GUF1: variants seen among roughly 807,000 people sequenced by gnomAD.
The protein encoded by GUF1 is translation factor GUF1, mitochondrial.
GUF1 carries 78 observed loss-of-function variants against 82.4 expected under a neutral mutation model. The observed-to-expected ratio is 0.95, with a 90% CI of 0.79 to 1.14. The LOEUF (loss-of-function observed/expected upper bound fraction) is 1.14. Among genes scored for constraint, GUF1 ranks in the 50% most tolerant of loss-of-function variants. The pLI, the probability that GUF1 is intolerant of heterozygous loss-of-function variation, is 0.00. For synonymous variants in GUF1, 279 were observed against 282.3 expected (o/e 0.99, Z 0.12); for missense variants, 814 against 798.2 (o/e 1.02, Z -0.24).
At chr4:44,698,451 A>T in intron 16 of GUF1, 93 bp from the exon 17 acceptor site, 1 of 898,484 alleles carries the variant, frequency 1.1e-6, no homozygotes, top group Non-Finnish European at 1.7e-6. Context: ...ATAATTTGGT[A>T]TGGTTGTTAA....
chr4:44,678,598 T>G lies in GUF1; in HGVS notation c.-25T>G, dbSNP rs748741711. 6 of 1,442,572 alleles carry G rather than the reference T, an allele frequency of 4.2e-6. No individual in the cohort carries two copies. Among genetic ancestry groups the G allele is most frequent in the Non-Finnish European group, 5.4e-6 (6 of 1,107,450 alleles). 89.4% of individuals were successfully genotyped at this position (1,442,572 alleles called of 1,614,324 possible). A position where few individuals can be genotyped will look rare whatever the true frequency, so the allele number is the denominator to read the frequency against. On this transcript the variant is annotated 5_prime_UTR_variant, in exon 1 of 17. Coordinates refer to ENST00000281543, the MANE Select transcript of GUF1 (RefSeq NM_021927.3). ...GCTGCTGTTGCGTGTGGGTACCCTCTCCTGACGCCTCCGCCGCCCGGGTCA... is the reference window on the plus strand; with the variant it reads ...GCTGCTGTTGCGTGTGGGTACCCTCGCCTGACGCCTCCGCCGCCCGGGTCA...
At chr4:44,687,790 A>AG (rs1269532773) in intron 8 of GUF1, among the ~76,000 whole-genome samples, 2 of 151,884 alleles carry the variant, frequency 1.3e-5, no homozygotes, top group East Asian at 3.9e-4. Context: ...AAAAGGCATT[A>AG]GGTTTATAAG....
rs750919642 is a variant in GUF1, at chr4:44,686,668, A to T, written c.893A>T (p.Asn298Ile). The change falls in exon 8 of 17, where the codon AAT (asparagine) becomes ATT (isoleucine). Residue 298 changes from asparagine (N) to isoleucine (I), a missense_variant. Transcript: ENST00000281543. ...CATACTCAAAAGACATACGAAGTTA[A>T]TGAAGTAGGAGTCTTGAATCCTAAT... Reference protein sequence around the residue: ...SAHTQKTYEVNEVGVLNPNEQ... With the variant: ...SAHTQKTYEVIEVGVLNPNEQ... The T allele has an allele frequency of 6.2e-7, 1 of 1,611,862 alleles. No homozygotes were observed. The highest frequency in any genetic ancestry group is 1.7e-5 in the Admixed American group (1 of 59,950).
intron 11 of GUF1, among the ~76,000 whole-genome samples, chr4:44,690,328 G>C (rs1025160925): frequency 2.0e-5 from 3 of 151,646 alleles, no homozygotes; most frequent in Non-Finnish European, 3.0e-5. Context: ...AATTTATCTC[G>C]TAAAAAGTGA....
Position 44,690,828 on chromosome 4 carries a change from G to A in GUF1, c.1447G>A (p.Glu483Lys), listed in dbSNP as rs1274002303. Residue 483 changes from glutamate (E) to lysine (K), a missense_variant, in exon 12 of 17, where the codon GAA (glutamate) becomes AAA (lysine). Glu to Lys is a moderately conservative substitution (Grantham distance 56, BLOSUM62 1). Coordinates refer to ENST00000281543, the MANE Select transcript of GUF1 (RefSeq NM_021927.3). ...VVLGTIITPD[E>K]YTGKIMMLCE... ...TTTGGGCACTATTATCACACCAGATGAATACACTGGAAAAATAATGATGCT... is the reference window on the plus strand; with the variant it reads ...TTTGGGCACTATTATCACACCAGATAAATACACTGGAAAAATAATGATGCT... 6.3e-7 allele frequency: 1 copy of A among 1,596,508 alleles called. No individual in the cohort carries two copies. The highest frequency in any genetic ancestry group is 8.5e-7 in the Non-Finnish European group (1 of 1,170,296).
chr4:44,694,688 G>T (rs1715677428), intron 14 of GUF1, among the ~76,000 whole-genome samples, 175 bp downstream of exon 14: 1 of 151,874 alleles, frequency 6.6e-6, no homozygotes. Context: ...GCTAAAAATA[G>T]AACAGAGCTA....
rs115411648 is a variant in GUF1, at chr4:44,693,621, C to T, written c.1614-791C>T. On this transcript the variant is annotated intron_variant, in intron 13 of 16. Coordinates refer to ENST00000281543, the MANE Select transcript of GUF1 (RefSeq NM_021927.3). The stretch of plus-strand genomic sequence containing the variant: ...AGAAACCAAATATAATTTTGCAAGT[C>T]CAGGCACCAATTGTTTTAAAATTAA... 7.6e-3 allele frequency among the ~76,000 whole-genome samples: 1,149 copies of T among 152,150 alleles called. 6 individuals are homozygous for T. The highest frequency in any genetic ancestry group is 0.017 in the Middle Eastern group (5 of 294).
chr4:44,689,534 G>C, intron 10 of GUF1, 125 bp downstream of exon 10: 1 of 1,088,048 alleles, frequency 9.2e-7, no homozygotes, highest in Non-Finnish European at 1.3e-6. Context: ...ATAAAATGGT[G>C]CATTGTTCTG....
chr4:44,692,454 C>T (rs1447423951), intron 13 of GUF1, among the ~76,000 whole-genome samples: 1 of 151,814 alleles, frequency 6.6e-6, no homozygotes, highest in Non-Finnish European at 1.5e-5. Flanking sequence ...GATACCCTCA[C>T]TATGCCCTAA....
chr4:44,697,336 GT>G, intron 15 of GUF1, 71 bp from the exon 16 acceptor site: 16 of 875,370 alleles, frequency 1.8e-5, no homozygotes, highest in Admixed American at 2.6e-5. Flanking sequence ...AGGGGAGATT[GT>G]TTTTGGTAAG....
chr4:44,695,690 A>G lies in GUF1; in HGVS notation c.1791A>G (p.Ile597Met), dbSNP rs1264831955. 1 of 1,613,262 alleles carries G rather than the reference A, an allele frequency of 6.2e-7. No individual in the cohort carries two copies. The highest frequency in any genetic ancestry group is 8.5e-7 in the Non-Finnish European group (1 of 1,179,544). ...CTCTTCCTAGGCAACTGTTTGAGATAGCAATTCAAGCTGCTATTGGAAGTA... is the reference window on the plus strand; with the variant it reads ...CTCTTCCTAGGCAACTGTTTGAGATGGCAATTCAAGCTGCTATTGGAAGTA... Reference protein sequence around the residue: ...KDSLPRQLFEIAIQAAIGSKI... With the variant: ...KDSLPRQLFEMAIQAAIGSKI... Residue 597 changes from isoleucine to methionine, a missense_variant, in exon 15 of 17, where the codon ATA becomes ATG. Ile to Met is a conservative substitution (Grantham distance 10). Transcript: ENST00000281543.
chr4:44,679,038 C>G (rs978562870), intron 1 of GUF1, among the ~76,000 whole-genome samples: 2 of 152,258 alleles, frequency 1.3e-5, no homozygotes, highest in Non-Finnish European at 2.9e-5. Context: ...TTTGTTTACG[C>G]GAGCCACTGG....
chr4:44,689,797 G>C, intron 10 of GUF1, 46 bp from the exon 11 acceptor site: 1 of 1,448,428 alleles, frequency 6.9e-7, no homozygotes, highest in Admixed American at 2.2e-5. Context: ...AAAAAATGAA[G>C]CCCATGGGAC....
chr4:44,678,862 A>G, intron 1 of GUF1, 75 bp downstream of exon 1: 8 of 1,420,920 alleles, frequency 5.6e-6, no homozygotes, highest in Non-Finnish European at 7.5e-6. Flanking sequence ...GGACATGTAT[A>G]GGGCTTTCTG....
rs1716187093 is a variant in GUF1, at chr4:44,700,699, T to A, written c.*2018T>A. The A allele has an allele frequency of 6.6e-6, 1 of 152,232 alleles. No individual in the cohort carries two copies. The highest frequency in any genetic ancestry group is 6.5e-5 in the Admixed American group (1 of 15,278). The allele number at this position is 152,232 out of a possible 1,614,324, so 9.4% of individuals were successfully genotyped here. A position where few individuals can be genotyped will look rare whatever the true frequency, so the allele number is the denominator to read the frequency against. The stretch of plus-strand genomic sequence containing the variant: ...AAACTGACTTGAGAGCTGTCTCAGA[T>A]ATTTTGAGCTTACAGTTATTGTGAA... On this transcript the variant is annotated 3_prime_UTR_variant, in exon 17 of 17. Transcript: ENST00000281543.
In GUF1 at chr4:44,699,067, C is replaced by G. The variant is rs114108687; in HGVS notation, c.*386C>G. The G allele has an allele frequency of 6.4e-6, 1 of 156,110 alleles. No individual in the cohort carries two copies. The highest frequency in any genetic ancestry group is 2.4e-5 in the African/African-American group (1 of 41,564). The allele number at this position is 156,110 out of a possible 1,614,324, so 9.7% of individuals were successfully genotyped here. ...CTACAGTTAAGTCCTTAAATGCCAT[C>G]GAAAGGTTCTTAGAAACTGACTTTA... is the stretch of plus-strand genomic sequence containing the variant. On this transcript the variant is annotated 3_prime_UTR_variant, in exon 17 of 17. Coordinates refer to ENST00000281543, the MANE Select transcript of GUF1 (RefSeq NM_021927.3).
intron 15 of GUF1, among the ~76,000 whole-genome samples, 175 bp from the exon 16 acceptor site, chr4:44,697,233 G>A (rs1025310884): frequency 2.0e-5 from 3 of 152,040 alleles, no homozygotes; most frequent in African/African-American, 7.2e-5. Flanking sequence ...CCAAGTACAT[G>A]AAAATAAATA....
chr4:44,686,062 T>A (rs1344918871), intron 7 of GUF1, 39 bp downstream of exon 7: 1 of 1,362,478 alleles, frequency 7.3e-7, no homozygotes, highest in South Asian at 1.2e-5. Flanking sequence ...TGTCTCTATT[T>A]AATAGTTCAA....
Position 44,697,464 on chromosome 4 carries a change from T to A in GUF1, c.1872+20T>A. The A allele has an allele frequency of 7.3e-7, 1 of 1,365,654 alleles. No individual in the cohort carries two copies. The highest frequency in any genetic ancestry group is 1.0e-6 in the Non-Finnish European group (1 of 971,614). 84.6% of individuals were successfully genotyped at this position (1,365,654 alleles called of 1,614,324 possible). ...AAATGTGTATGTATCTAGTTGTATT[T>A]ATTCTACTTTATAACTTTTATGGGC... On this transcript the variant is annotated intron_variant, in intron 16 of 16. Transcript: ENST00000281543.
Sources: gnomAD v4.1 joint callset for allele counts (sites outside exome capture counted in the v4.1 genomes callset) on GRCh38, gnomAD v4.1.1 for gene constraint, MANE v1.5 for transcripts, NCBI Gene and HGNC (gene_info 2026-07-23, HGNC 2026-07-21) for gene names.